XKR9: variants seen among roughly 807,000 people sequenced by gnomAD.
XKR9 encodes XK-related protein 9.
XKR9 carries 32 observed loss-of-function variants against 32.0 expected under a neutral mutation model. The observed-to-expected ratio is 1.00, with a 90% confidence interval of 0.76 to 1.34. The LOEUF (loss-of-function observed/expected upper bound fraction) is 1.34, where lower values mean the gene tolerates loss of function less well. XKR9 is among the 40% of genes most tolerant of loss of function. XKR9 has a pLI of 0.00. For synonymous variants in XKR9, 168 were observed against 143.4 expected (o/e 1.17, Z -1.22); for missense variants, 546 against 429.7 (o/e 1.27, Z -2.39).
the XKR9 span, among the ~76,000 whole-genome samples, chr8:71,034,410 G>T: frequency 6.6e-6 from 1 of 152,214 alleles, no homozygotes; most frequent in African/African-American, 2.4e-5. Flanking sequence ...ATGTGGAGCT[G>T]TGAGTCGATT....
chr8:70,721,945 C>T (rs1806296056), intron 4 of XKR9, among the ~76,000 whole-genome samples: 1 of 152,032 alleles, frequency 6.6e-6, no homozygotes, highest in South Asian at 2.1e-4. Context: ...TCTCTTTGTA[C>T]ATCTCTAAGA....
the XKR9 span, among the ~76,000 whole-genome samples, chr8:70,963,735 A>G: frequency 1.3e-5 from 2 of 152,126 alleles, no homozygotes; most frequent in Non-Finnish European, 2.9e-5. Flanking sequence ...TGAGCTTTTT[A>G]AAATATATTT....
the XKR9 span, among the ~76,000 whole-genome samples, chr8:70,858,199 T>C: frequency 1.3e-5 from 2 of 152,202 alleles, no homozygotes; most frequent in African/African-American, 2.4e-5. Flanking sequence ...GATGACATGA[T>C]TGTATATCTA....
At chr8:70,685,662 C>G (rs1459318641) in intron 3 of XKR9, among the ~76,000 whole-genome samples, 1 of 143,514 alleles carries the variant, frequency 7.0e-6, no homozygotes, top group South Asian at 2.2e-4. Context: ...CATGTTCTCA[C>G]TCATAGGTGG....
the XKR9 span, among the ~76,000 whole-genome samples, chr8:70,986,857 G>T: frequency 6.6e-6 from 1 of 152,196 alleles, no homozygotes; most frequent in Admixed American, 6.5e-5. Flanking sequence ...ATTTACAAAA[G>T]AAAGAGGTTT....
At chr8:70,806,948 C>T in the XKR9 span, among the ~76,000 whole-genome samples, 7 of 151,910 alleles carry the variant, frequency 4.6e-5, no homozygotes, top group African/African-American at 1.7e-4. Flanking sequence ...GCAGATCAAC[C>T]CCCAGAGACA....
In XKR9 at chr8:70,678,759, G is replaced by A. The variant is rs1003798868; in HGVS notation, c.-278-2022G>A. Among the ~76,000 whole-genome samples, 4 of 152,150 alleles carry A rather than the reference G, an allele frequency of 2.6e-5. No homozygotes were observed. In the South Asian group the frequency reaches 6.2e-4, roughly 24 times the overall value. On this transcript the variant is annotated intron_variant, in intron 2 of 4. Coordinates refer to ENST00000408926, the MANE Select transcript of XKR9 (RefSeq NM_001011720.2). ...GTGATCATAACTGTTGCTTTATTCC[G>A]TGAGAAGAATGAAATACCTTTTAAT...
chr8:70,679,604 C>T (rs1459779392), intron 2 of XKR9, among the ~76,000 whole-genome samples: 1 of 152,168 alleles, frequency 6.6e-6, no homozygotes, highest in Non-Finnish European at 1.5e-5. Flanking sequence ...GCAGCCACTG[C>T]TCATGAAGGA....
chr8:70,762,272 A>G (rs982286871), intron 2 of XKR9, among the ~76,000 whole-genome samples: 3 of 152,152 alleles, frequency 2.0e-5, no homozygotes, highest in African/African-American at 7.2e-5. Flanking sequence ...TAATCATTAA[A>G]CAATCACTTT....
chr8:71,034,797 A>G, the XKR9 span, among the ~76,000 whole-genome samples: 3 of 152,264 alleles, frequency 2.0e-5, no homozygotes, highest in South Asian at 2.1e-4. Context: ...TCCTCACCCA[A>G]GGAATCTATA....
chr8:70,875,266 A>G, the XKR9 span, among the ~76,000 whole-genome samples: 5 of 152,178 alleles, frequency 3.3e-5, no homozygotes, highest in African/African-American at 9.7e-5. Flanking sequence ...ATTTTCAGAA[A>G]TATGAAATCC....
the XKR9 span, among the ~76,000 whole-genome samples, chr8:70,858,287 T>C: frequency 6.6e-6 from 1 of 152,076 alleles, no homozygotes; most frequent in African/African-American, 2.4e-5. Flanking sequence ...ACAAAATCAA[T>C]GTGTAAAAAT....
chr8:71,045,257 C>T, the XKR9 span, among the ~76,000 whole-genome samples: 7 of 152,218 alleles, frequency 4.6e-5, no homozygotes, highest in South Asian at 4.2e-4. Flanking sequence ...CCAACATATC[C>T]GCAAAGCTTG....
the XKR9 span, among the ~76,000 whole-genome samples, chr8:71,006,334 AT>A: frequency 0.28 from 19,652 of 69,168 alleles, 1,641 homozygotes; most frequent in African/African-American, 0.39. Flanking sequence ...TTTAAAAAAG[AT>A]TTTTTTTTTT....
At chr8:70,711,503 C>T (rs1805918744) in intron 4 of XKR9, among the ~76,000 whole-genome samples, 1 of 152,134 alleles carries the variant, frequency 6.6e-6, no homozygotes, top group Non-Finnish European at 1.5e-5. Flanking sequence ...AGGCCATTCT[C>T]CTAAGTGAAT....
At chr8:70,813,447 C>A in the XKR9 span, among the ~76,000 whole-genome samples, 1 of 151,982 alleles carries the variant, frequency 6.6e-6, no homozygotes. Context: ...AAACATGATG[C>A]AATTAAACTA....
the XKR9 span, among the ~76,000 whole-genome samples, chr8:70,845,417 T>C: frequency 6.6e-6 from 1 of 152,120 alleles, no homozygotes; most frequent in Non-Finnish European, 1.5e-5. Context: ...AGGAACACAA[T>C]AATTCTCTGC....
the XKR9 span, among the ~76,000 whole-genome samples, chr8:71,050,010 G>A: frequency 6.6e-6 from 1 of 151,982 alleles, no homozygotes; most frequent in Non-Finnish European, 1.5e-5. Context: ...ACATGTGGGT[G>A]CTAGTTATTC....
At chr8:71,017,639 C>T in the XKR9 span, among the ~76,000 whole-genome samples, 2 of 152,120 alleles carry the variant, frequency 1.3e-5, no homozygotes, top group Admixed American at 6.5e-5. Flanking sequence ...TGCCTTATTT[C>T]CTAAAGGATC....
Sources: gnomAD v4.1 joint callset for allele counts (sites outside exome capture counted in the v4.1 genomes callset) on GRCh38, gnomAD v4.1.1 for gene constraint, MANE v1.5 for transcripts, NCBI Gene and HGNC (gene_info 2026-07-23, HGNC 2026-07-21) for gene names.